The following RASSF5 variants were observed in gnomAD, a reference collection of about 807,000 sequenced individuals.
The protein encoded by RASSF5 is Ras association domain family member 5.
In RASSF5, 25 loss-of-function variants were observed where a neutral mutation model predicts 40.5. That is an observed-to-expected ratio of 0.62 (90% CI 0.45 to 0.86). The LOEUF (loss-of-function observed/expected upper bound fraction) is 0.86, where lower values mean the gene tolerates loss of function less well. RASSF5 is among the 40% of genes least tolerant of loss of function. The pLI is 0.00. For synonymous variants in RASSF5, 246 were observed against 252.4 expected, an observed-to-expected ratio of 0.97 and a Z score of 0.24; for missense variants, 521 against 572.8, an observed-to-expected ratio of 0.91 and a Z score of 0.92.
At chr1:206,518,442 G>T (rs1666819053) in intron 1 of RASSF5, 3 of 398,578 alleles carry the variant, frequency 7.5e-6, no homozygotes, top group Non-Finnish European at 1.3e-5. Context: ...GACAGTCACT[G>T]CTCAGCTCCA....
intron 3 of RASSF5, chr1:206,583,766 T>G: frequency 4.7e-6 from 1 of 212,510 alleles, no homozygotes; most frequent in Non-Finnish European, 9.7e-6. Flanking sequence ...AGGGACATAC[T>G]CTCTCAGAGA....
At chr1:206,514,089 T>TGGTTCCTAG (rs1666688440) in intron 1 of RASSF5, among the ~76,000 whole-genome samples, 1 of 152,246 alleles carries the variant, frequency 6.6e-6, no homozygotes, top group Admixed American at 6.5e-5. Context: ...AGCATGCCTG[T>TGGTTCCTAG]GGTTCCTAGA....
At chr1:206,558,607 C>T (rs1416372186) in intron 2 of RASSF5, among the ~76,000 whole-genome samples, 1 of 152,068 alleles carries the variant, frequency 6.6e-6, no homozygotes, top group Non-Finnish European at 1.5e-5. Context: ...CAAAAACTTC[C>T]CCAGGCCTGA....
chr1:206,507,936 G>T lies in RASSF5; in HGVS notation c.334G>T (p.Asp112Tyr). Residue 112 changes from aspartate (D) to tyrosine (Y), a missense_variant, in exon 1 of 6, where the codon GAT becomes TAT. By Grantham distance (160) the Asp-to-Tyr change is radical. This residue lies in a region of RASSF5 where 237 missense variants were observed against 212.0 expected (regional missense o/e 1.12). Transcript: ENST00000579436. ...GCGGAGCATCTTCGAGCAGCCGCAG[G>T]ATCCCAGAGTCCCGGCGGAGCGAGG... ...DVRSIFEQPQ[D>Y]PRVPAERGEG... 1 of 1,523,116 alleles carries T rather than the reference G, an allele frequency of 6.6e-7. No homozygotes were observed. The highest frequency in any genetic ancestry group is 2.6e-5 in the East Asian group (1 of 38,004). 94.4% of individuals were successfully genotyped at this position (1,523,116 alleles called of 1,614,324 possible). A position where few individuals can be genotyped will look rare whatever the true frequency, so the allele number is the denominator to read the frequency against.
At chr1:206,576,062 G>A (rs564348145) in intron 2 of RASSF5, among the ~76,000 whole-genome samples, 1 of 152,188 alleles carries the variant, frequency 6.6e-6, no homozygotes, top group Non-Finnish European at 1.5e-5. Flanking sequence ...GCCAAGCGGG[G>A]TGCCAAAAAG....
At chr1:206,581,105 CT>C (rs1553406209) in intron 2 of RASSF5, 1 of 152,260 alleles carries the variant, frequency 6.6e-6, no homozygotes, top group Non-Finnish European at 1.5e-5. Context: ...TCCTACTTAG[CT>C]TCTTACTAGC....
chr1:206,543,347 A>G (rs1553399666), intron 2 of RASSF5: 1 of 152,160 alleles, frequency 6.6e-6, no homozygotes, highest in Non-Finnish European at 1.5e-5. Context: ...CACTGGGTCC[A>G]GGGAGTGCCT....
At position 206,507,727 on chromosome 1, in the gene RASSF5, C is replaced by G; in HGVS notation, c.125C>G (p.Ser42Trp). 3 of 1,482,116 alleles carry G rather than the reference C, an allele frequency of 2.0e-6. No individual in the cohort carries two copies. Among genetic ancestry groups the G allele is most frequent in the Non-Finnish European group, 2.7e-6 (3 of 1,123,386 alleles). 91.8% of individuals were successfully genotyped at this position (1,482,116 alleles called of 1,614,324 possible). Residue 42 changes from serine to tryptophan, a missense_variant, in exon 1 of 6, where the codon TCG becomes TGG. This residue lies in a region of RASSF5 where 237 missense variants were observed against 212.0 expected (regional missense o/e 1.12). Transcript: ENST00000579436. ...CCGCCGCCGCCCCCCGACCGGTCCTCGCGCCTCTGTGTCCCGGCGCCCCTC... is the reference window on the plus strand; with the variant it reads ...CCGCCGCCGCCCCCCGACCGGTCCTGGCGCCTCTGTGTCCCGGCGCCCCTC... ...ELPPPPPDRS[S>W]RLCVPAPLST... is the part of the protein sequence containing the mutation.
chr1:206,569,063 T>C (rs1668366228), intron 2 of RASSF5, among the ~76,000 whole-genome samples: 1 of 152,230 alleles, frequency 6.6e-6, no homozygotes, highest in African/African-American at 2.4e-5. Flanking sequence ...AAGTCCCCAC[T>C]ACCTGAACCT....
In RASSF5 at chr1:206,584,668, A is replaced by T. The variant is rs782364121; in HGVS notation, c.972A>T (p.Ile324=). 2.5e-6 allele frequency: 4 copies of T among 1,614,112 alleles called. No individual in the cohort carries two copies. Residue 324 remains isoleucine, a synonymous_variant, in exon 4 of 6, where the codon ATA becomes ATT. Coordinates refer to ENST00000579436, the MANE Select transcript of RASSF5 (RefSeq NM_182663.4). This position sits in a 1 kb window ranked among gnomAD's most constrained non-coding sequence, Gnocchi z 4.9. ...NPQKFALFKR[I]HKDGQVLFQK... ...AGAAGTTTGCACTTTTTAAGCGGATACACAAGGACGGACAAGGTAGGAGAA... is the reference window on the plus strand; with the variant it reads ...AGAAGTTTGCACTTTTTAAGCGGATTCACAAGGACGGACAAGGTAGGAGAA...
rs1344301780 is a variant in RASSF5 at position 206,523,619 on chromosome 1, A to T, written c.458-14553A>T. ...ACCATATATATTTTATATATATATA[A>T]AATATATAAAATATATTATATATAA... On this transcript the variant is annotated intron_variant, in intron 1 of 5. Coordinates refer to ENST00000579436, the MANE Select transcript of RASSF5 (RefSeq NM_182663.4). 7.8e-5 allele frequency among the ~76,000 whole-genome samples: 8 copies of T among 102,968 alleles called. No individual in the cohort carries two copies. The East Asian group carries it at 1.8e-3, about 23-fold the overall frequency. The allele number at this position is 102,968 out of a possible 152,430, so 67.6% of individuals were successfully genotyped here.
chr1:206,527,366 G>T (rs190310728), intron 1 of RASSF5, among the ~76,000 whole-genome samples: 4 of 152,246 alleles, frequency 2.6e-5, no homozygotes, highest in African/African-American at 9.6e-5. Context: ...TCTTTGAGTG[G>T]GGAAGGCTGA....
In RASSF5 at chr1:206,573,574, A is replaced by G. The variant is rs1243626452; in HGVS notation, c.580-9695A>G. Among the ~76,000 whole-genome samples, 20 of 152,248 alleles carry G rather than the reference A, an allele frequency of 1.3e-4. 1 individual carries two copies. Among genetic ancestry groups the G allele is most frequent in the Admixed American group, 1.3e-3 (20 of 15,294 alleles). On this transcript the variant is annotated intron_variant, in intron 2 of 5. Coordinates refer to ENST00000579436, the MANE Select transcript of RASSF5 (RefSeq NM_182663.4). ...AAATTAAGACCTCAAGAACCACTGAAGCAAGTATTGAGCAAGTATTTCCTA... is the reference window on the plus strand; with the variant it reads ...AAATTAAGACCTCAAGAACCACTGAGGCAAGTATTGAGCAAGTATTTCCTA...
chr1:206,558,813 C>T (rs1553402175), intron 2 of RASSF5, among the ~76,000 whole-genome samples: 2 of 152,172 alleles, frequency 1.3e-5, no homozygotes, highest in African/African-American at 4.8e-5. Context: ...CAGGGCACCA[C>T]TCATGAGGCT....
chr1:206,566,458 T>C (rs2103547005), intron 2 of RASSF5, among the ~76,000 whole-genome samples: 1 of 152,288 alleles, frequency 6.6e-6, no homozygotes. Context: ...CTCATTATCC[T>C]CCTCATCTCC....
Position 206,507,545 on chromosome 1 carries a change from T to A in RASSF5, c.-58T>A, listed in dbSNP as rs2103495860. The A allele has an allele frequency of 7.5e-7, 1 of 1,335,804 alleles. No homozygotes were observed. The highest frequency in any genetic ancestry group is 1.6e-5 in the African/African-American group (1 of 64,484). 82.7% of individuals were successfully genotyped at this position (1,335,804 alleles called of 1,614,324 possible). On this transcript the variant is annotated 5_prime_UTR_variant, in exon 1 of 6. Coordinates refer to ENST00000579436, the MANE Select transcript of RASSF5 (RefSeq NM_182663.4). ...GGCGGCCCCTTCTCTCGGGGCTGGC[T>A]CGGGAGTAGCGCAGTCGCCAAAGCC...
At chr1:206,538,100 G>C in intron 1 of RASSF5, 72 bp from the exon 2 acceptor site, 1 of 1,603,374 alleles carries the variant, frequency 6.2e-7, no homozygotes, top group Non-Finnish European at 8.5e-7. Flanking sequence ...AATCTCCAAG[G>C]TTATTTCTCT....
intron 2 of RASSF5, chr1:206,544,185 T>G (rs1421300087): frequency 6.6e-6 from 1 of 152,162 alleles, no homozygotes; most frequent in Non-Finnish European, 1.5e-5. Context: ...ACAAGCCTCT[T>G]AGTTTCTTTG....
intron 5 of RASSF5, chr1:206,586,430 G>A (rs1306051449): frequency 5.4e-6 from 1 of 185,638 alleles, no homozygotes; most frequent in African/African-American, 2.4e-5. Flanking sequence ...TGCTGGGAGA[G>A]GTGGAGTCAG....
Sources: allele counts gnomAD v4.1 joint callset (sites outside exome capture counted in the v4.1 genomes callset), GRCh38; gene constraint gnomAD v4.1.1; regional missense constraint gnomAD v4.1.1; non-coding constraint Gnocchi (gnomAD v3.1); transcripts MANE v1.5; gene names NCBI Gene and HGNC (gene_info 2026-07-23, HGNC 2026-07-21).